The following DCT variants were observed in gnomAD, a reference collection of about 807,000 sequenced individuals.
DCT encodes L-dopachrome tautomerase.
In DCT, 47 loss-of-function variants were observed where a neutral mutation model predicts 53.0. The ratio of observed to expected loss-of-function variants is 0.89; its 90% CI spans 0.70 to 1.13. The LOEUF (loss-of-function observed/expected upper bound fraction) is 1.13, where lower values mean the gene tolerates loss of function less well. Among genes scored for constraint, DCT ranks in the 50% most tolerant of loss-of-function variants. The pLI is 0.00. For synonymous variants in DCT, 244 were observed against 237.0 expected (o/e 1.03, Z -0.27); for missense variants, 669 against 637.4 (o/e 1.05, Z -0.53).
intron 6 of DCT, among the ~76,000 whole-genome samples, chr13:94,458,247 A>G (rs989981366): frequency 9.2e-5 from 14 of 152,088 alleles, no homozygotes; most frequent in African/African-American, 2.9e-4. Flanking sequence ...TCTGATTCAG[A>G]GCAAAGCTTC....
the DCT span, among the ~76,000 whole-genome samples, chr13:94,521,556 G>C: frequency 2.9e-4 from 44 of 152,190 alleles, no homozygotes; most frequent in Non-Finnish European, 4.9e-4. Context: ...TGTAGTCCCA[G>C]CTACTCGAGA....
In DCT at chr13:94,469,076, A is replaced by T. The variant is rs1555334003; in HGVS notation, c.296-31T>A. 8 of 1,580,546 alleles carry T rather than the reference A, an allele frequency of 5.1e-6. No homozygotes were observed. In the South Asian group the frequency reaches 8.9e-5, roughly 18 times the overall value. ...TCACAAAACAGAAAGATGGAAAGGA[A>T]GGGGGTTTATGTCGTTTGGAAGAAA... On this transcript the variant is annotated intron_variant, in intron 1 of 7. Transcript: ENST00000377028.
At chr13:94,533,512 C>T in the DCT span, among the ~76,000 whole-genome samples, 3 of 152,120 alleles carry the variant, frequency 2.0e-5, no homozygotes, top group Admixed American at 6.6e-5. Context: ...AGTCCAGGCA[C>T]GGTGGCTCAC....
chr13:94,504,341 G>A, the DCT span, among the ~76,000 whole-genome samples: 2 of 152,088 alleles, frequency 1.3e-5, no homozygotes, highest in Admixed American at 6.6e-5. Context: ...TGGTGCTGGG[G>A]CATTTGTAGT....
intron 7 of DCT, among the ~76,000 whole-genome samples, chr13:94,442,704 G>C (rs1185361465): frequency 6.6e-6 from 1 of 152,114 alleles, no homozygotes; most frequent in African/African-American, 2.4e-5. Context: ...CATACACATA[G>C]AGTCCCACGT....
the DCT span, among the ~76,000 whole-genome samples, chr13:94,506,892 G>T: frequency 6.6e-6 from 1 of 152,134 alleles, no homozygotes; most frequent in African/African-American, 2.4e-5. Context: ...TGCCAAAAAT[G>T]TTTAGCTTCA....
chr13:94,523,558 T>G, the DCT span, among the ~76,000 whole-genome samples: 1 of 152,206 alleles, frequency 6.6e-6, no homozygotes. Context: ...GTCAATCTCT[T>G]TCTTTGGCCT....
chr13:94,497,876 A>ATGTGTGTGTGTG, the DCT span, among the ~76,000 whole-genome samples: 48 of 151,564 alleles, frequency 3.2e-4, no homozygotes, highest in African/African-American at 1.1e-3. Context: ...GGTCACCTAT[A>ATGTGTGTGTGTG]TGTGTGTGTG....
the DCT span, among the ~76,000 whole-genome samples, chr13:94,507,078 C>T: frequency 6.6e-6 from 1 of 152,234 alleles, no homozygotes; most frequent in East Asian, 1.9e-4. Flanking sequence ...AAGAACTGCA[C>T]AGACCAAGGA....
chr13:94,448,655 C>A (rs1882881946), intron 6 of DCT, among the ~76,000 whole-genome samples: 1 of 152,180 alleles, frequency 6.6e-6, no homozygotes, highest in Non-Finnish European at 1.5e-5. Context: ...GTAATCCCAG[C>A]ACTTTGTGAG....
chr13:94,523,517 A>G, the DCT span, among the ~76,000 whole-genome samples: 1 of 152,116 alleles, frequency 6.6e-6, no homozygotes, highest in Non-Finnish European at 1.5e-5. Flanking sequence ...ATAAGTCCCT[A>G]TTAAATGTTT....
intron 1 of DCT, among the ~76,000 whole-genome samples, chr13:94,470,423 G>T (rs994722614): frequency 9.2e-5 from 14 of 152,174 alleles, no homozygotes; most frequent in African/African-American, 3.4e-4. Context: ...CTTGTAGCTT[G>T]CCCCAGACTT....
At chr13:94,501,984 C>T in the DCT span, among the ~76,000 whole-genome samples, 3 of 150,568 alleles carry the variant, frequency 2.0e-5, no homozygotes, top group South Asian at 2.1e-4. Context: ...TCAGCCCCTA[C>T]TTCTGAGGCT....
At chr13:94,540,363 A>G in the DCT span, among the ~76,000 whole-genome samples, 2 of 152,206 alleles carry the variant, frequency 1.3e-5, no homozygotes, top group Non-Finnish European at 2.9e-5. Flanking sequence ...ACCACCTGAA[A>G]AGTAGAATCA....
At chr13:94,471,880 T>C (rs1884668431) in intron 1 of DCT, among the ~76,000 whole-genome samples, 1 of 152,322 alleles carries the variant, frequency 6.6e-6, no homozygotes, top group African/African-American at 2.4e-5. Context: ...TCATTGATTG[T>C]AACCCTGGTT....
At chr13:94,513,986 T>TC in the DCT span, among the ~76,000 whole-genome samples, 1 of 26,584 alleles carries the variant, frequency 3.8e-5, no homozygotes, top group Admixed American at 4.4e-4. Context: ...AAACTCTGTC[T>TC]CAAAAAAAAA....
chr13:94,440,212 T>C (rs1037780293), intron 7 of DCT, 136 bp from the exon 8 acceptor site: 2 of 634,500 alleles, frequency 3.2e-6, no homozygotes, highest in Non-Finnish European at 5.5e-6. Flanking sequence ...GACTAAAATT[T>C]ATCTTCTCCT....
At chr13:94,519,335 G>A in the DCT span, among the ~76,000 whole-genome samples, 2 of 152,266 alleles carry the variant, frequency 1.3e-5, no homozygotes, top group South Asian at 4.1e-4. Context: ...TTGGGCCCTA[G>A]TAGGTAAGCG....
At chr13:94,442,378 C>A (rs1428007117) in intron 7 of DCT, among the ~76,000 whole-genome samples, 1 of 152,140 alleles carries the variant, frequency 6.6e-6, no homozygotes, top group Non-Finnish European at 1.5e-5. Context: ...ACAAACAGGG[C>A]TCACTGTAGC....
Sources: gnomAD v4.1 joint callset for allele counts (sites outside exome capture counted in the v4.1 genomes callset) on GRCh38, gnomAD v4.1.1 for gene constraint, MANE v1.5 for transcripts, NCBI Gene and HGNC (gene_info 2026-07-23, HGNC 2026-07-21) for gene names.